MAP7D2: variants seen among roughly 807,000 people sequenced by gnomAD.
MAP7D2 encodes MAP7 domain-containing protein 2.
A neutral mutation model predicts 63.5 loss-of-function variants in MAP7D2; 33 were observed. The ratio of observed to expected loss-of-function variants is 0.52; its 90% CI spans 0.39 to 0.70. MAP7D2 has a LOEUF of 0.70. MAP7D2 is among the 30% of genes least tolerant of loss of function. The pLI, the probability that MAP7D2 is intolerant of heterozygous loss-of-function variation, is 0.00. For synonymous variants in MAP7D2, 224 were observed against 223.7 expected, an observed-to-expected ratio of 1.00 and a Z score of -0.01; for missense variants, 626 against 604.0, an observed-to-expected ratio of 1.04 and a Z score of -0.38.
At chrX:20,094,508 A>ATG (rs2066167947) in intron 1 of MAP7D2, among the ~76,000 whole-genome samples, 4 of 11,552 alleles carry the variant, frequency 3.5e-4, no homozygotes, top group Admixed American at 1.7e-3. Flanking sequence ...ATATATATAT[A>ATG]TATATATGTA....
At chrX:20,112,547 C>T (rs912598193) in intron 1 of MAP7D2, among the ~76,000 whole-genome samples, 2 of 111,338 alleles carry the variant, frequency 1.8e-5, no homozygotes, top group African/African-American at 3.3e-5. Context: ...GATGCCAAGA[C>T]GGTAAACTCC....
At chrX:20,028,165 T>C (rs1402920807) in intron 8 of MAP7D2, among the ~76,000 whole-genome samples, 7 of 111,750 alleles carry the variant, frequency 6.3e-5, no homozygotes, top group African/African-American at 2.0e-4. Context: ...ACTATTATCA[T>C]GGCCTCTTTA....
At position 20,042,493 on chromosome X, in the gene MAP7D2, G is replaced by A; in HGVS notation, c.1007+9C>T. ...GTCAGACTGTCTGGCAAAGGGGAGA[G>A]ATGCTTACTTGGATATCACAGGAGA... is the stretch of plus-strand genomic sequence containing the variant. On this transcript the variant is annotated intron_variant, in intron 8 of 16. Transcript: ENST00000379643. The A allele has an allele frequency of 8.3e-7, 1 of 1,210,804 alleles. No individual in the cohort carries two copies. The highest frequency in any genetic ancestry group is 1.8e-5 in the South Asian group (1 of 56,857).
At chrX:20,074,091 C>T (rs1230851162) in intron 1 of MAP7D2, among the ~76,000 whole-genome samples, 4 of 104,036 alleles carry the variant, frequency 3.8e-5, no homozygotes, top group African/African-American at 7.0e-5. Context: ...GCCATGACTG[C>T]GCCATTGCAC....
chrX:20,098,566 G>GA (rs892825206), intron 1 of MAP7D2, among the ~76,000 whole-genome samples: 10 of 110,715 alleles, frequency 9.0e-5, no homozygotes, highest in African/African-American at 3.3e-4. Flanking sequence ...GTGGGGGGGG[G>GA]AGCGGGTAGC....
intron 16 of MAP7D2, among the ~76,000 whole-genome samples, chrX:20,010,317 T>A (rs2073149621): frequency 8.9e-6 from 1 of 112,260 alleles, no homozygotes. Context: ...GCTGTCTGCT[T>A]TGGAAGAATC....
intron 1 of MAP7D2, among the ~76,000 whole-genome samples, chrX:20,076,722 T>C (rs2065653457): frequency 9.1e-6 from 1 of 109,963 alleles, no homozygotes; most frequent in Admixed American, 9.7e-5. Flanking sequence ...AAAAATTGTA[T>C]ACAGATGCCA....
At chrX:20,056,355 C>CA (rs2065069110) in intron 4 of MAP7D2, among the ~76,000 whole-genome samples, 1 of 111,633 alleles carries the variant, frequency 9.0e-6, no homozygotes, top group Non-Finnish European at 1.9e-5. Flanking sequence ...TTTCCCTCCC[C>CA]TGAAGTCAGA....
At chrX:20,102,009 T>C (rs2148536100) in intron 1 of MAP7D2, among the ~76,000 whole-genome samples, 1 of 112,051 alleles carries the variant, frequency 8.9e-6, no homozygotes, top group East Asian at 2.8e-4. Context: ...GCAAAGCAAA[T>C]CTATAGTGAA....
chrX:20,027,113 C>T (rs2073874468), intron 8 of MAP7D2, among the ~76,000 whole-genome samples: 1 of 112,017 alleles, frequency 8.9e-6, no homozygotes, highest in South Asian at 3.7e-4. Flanking sequence ...AGAAAAGAAT[C>T]CTCAAGTGGC....
intron 8 of MAP7D2, among the ~76,000 whole-genome samples, chrX:20,031,045 CTT>C (rs748193552): frequency 8.9e-6 from 1 of 111,761 alleles, no homozygotes; most frequent in Non-Finnish European, 1.9e-5. Context: ...AATCCCAGCA[CTT>C]TGGGAGGCTG....
chrX:20,024,976 G>A lies in MAP7D2; in HGVS notation c.1387C>T (p.Arg463Ter). The part of the protein sequence containing the change: ...RLQKEQEEQE[R>*]LEKEEQDRLE... ...CTATCTTGTTCTTCCTTCTCCAGTC[G>A]TTCTTGCTCCTCCTGTTCCTTCTGC... Residue 463 changes from arginine to a stop codon, truncating the protein, a stop_gained, in exon 10 of 17, where the codon CGA becomes TGA. Transcript: ENST00000379643. LOFTEE classifies it high-confidence loss of function. 2.5e-6 allele frequency: 3 copies of A among 1,210,765 alleles called. No individual in the cohort carries two copies. Among genetic ancestry groups the A allele is most frequent in the Non-Finnish European group, 3.4e-6 (3 of 895,079 alleles).
chrX:20,077,414 T>C (rs778653989), intron 1 of MAP7D2, among the ~76,000 whole-genome samples: 15 of 111,154 alleles, frequency 1.3e-4, no homozygotes, highest in East Asian at 2.8e-4. Flanking sequence ...AGTTGCACCA[T>C]TGCACTCCAC....
rs369515894 is a variant in MAP7D2, at chrX:20,084,745, T to C, written c.131-19940A>G. 5.4e-4 allele frequency among the ~76,000 whole-genome samples: 59 copies of C among 109,967 alleles called. 2 individuals carry two copies. In the South Asian group the frequency reaches 0.024, roughly 44 times the overall value. On this transcript the variant is annotated intron_variant, in intron 1 of 16. Transcript: ENST00000379643. ...CACCACGCCCAGCTAATTTTTGAAT[T>C]TTTAATAGAGATGGGGTTTTGACAT...
At chrX:20,034,249 A>C (rs1329174071) in intron 8 of MAP7D2, among the ~76,000 whole-genome samples, 1 of 104,624 alleles carries the variant, frequency 9.6e-6, no homozygotes, top group Non-Finnish European at 2.0e-5. Context: ...AAAAAAAAAA[A>C]AAACAGAATG....
chrX:20,098,539 T>C (rs1231736238), intron 1 of MAP7D2, among the ~76,000 whole-genome samples: 2 of 109,584 alleles, frequency 1.8e-5, no homozygotes, highest in Non-Finnish European at 3.8e-5. Context: ...GCCAAGGGGT[T>C]GTCCGCTCTC....
chrX:20,064,846 C>G, intron 1 of MAP7D2, 41 bp from the exon 2 acceptor site: 1 of 1,116,430 alleles, frequency 9.0e-7, no homozygotes, highest in Non-Finnish European at 1.2e-6. Context: ...GTTCTTCACT[C>G]TTTCCCTATC....
intron 1 of MAP7D2, among the ~76,000 whole-genome samples, chrX:20,065,220 C>A (rs2065322738): frequency 9.3e-6 from 1 of 107,126 alleles, no homozygotes. Context: ...CAAAAATGGA[C>A]AAAATTTTGA....
intron 6 of MAP7D2, 121 bp downstream of exon 6, chrX:20,050,703 T>C (rs2064923956): frequency 1.2e-6 from 1 of 812,180 alleles, no homozygotes; most frequent in Middle Eastern, 3.9e-4. Flanking sequence ...TATTAACCAA[T>C]GAAGACTTTT....
Sources: allele counts gnomAD v4.1 joint callset (sites outside exome capture counted in the v4.1 genomes callset), GRCh38; gene constraint gnomAD v4.1.1; transcripts MANE v1.5; gene names NCBI Gene and HGNC (gene_info 2026-07-23, HGNC 2026-07-21).